Variants in CDKL3 observed in about 807,000 individuals in gnomAD.
The protein encoded by CDKL3 is cyclin-dependent kinase-like 3.
Under a neutral mutation model 69.3 loss-of-function variants are expected in CDKL3, and 65 were observed. The ratio of observed to expected loss-of-function variants is 0.94; its 90% CI spans 0.77 to 1.15. CDKL3 has a LOEUF of 1.15. Among genes scored for constraint, CDKL3 ranks in the 50% most tolerant of loss-of-function variants. The probability of loss-of-function intolerance (pLI) is 0.00; values close to 1 mark genes in which losing one functional copy is unlikely to be tolerated. For missense variants in CDKL3, 652 were observed against 689.2 expected, an observed-to-expected ratio of 0.95 and a Z score of 0.61; for synonymous variants, 202 against 221.6, an observed-to-expected ratio of 0.91 and a Z score of 0.79.
intron 2 of CDKL3, among the ~76,000 whole-genome samples, chr5:134,364,669 C>A (rs1391482848): frequency 6.7e-6 from 1 of 150,278 alleles, no homozygotes; most frequent in Non-Finnish European, 1.5e-5. Context: ...GCACTACCAT[C>A]CCCGGCTAAT....
chr5:134,308,442 T>C lies in CDKL3; in HGVS notation c.1060A>G (p.Lys354Glu), dbSNP rs375157809. ...TTAATAACTCTGACTTTGATCTCCT[T>C]GGGCTTTTTCTCTTTTTCTATTTCC... Reference protein sequence around the residue: ...GKEIEKEKKPKEIKVRVIKVK... With the variant: ...GKEIEKEKKPEEIKVRVIKVK... The change falls in exon 9 of 13, where the codon AAG becomes GAG. Residue 354 changes from lysine (K) to glutamate (E), a missense_variant. By Grantham distance (56) the Lys-to-Glu change is moderately conservative. Transcript: ENST00000265334. 15 of 1,605,494 alleles carry C rather than the reference T, an allele frequency of 9.3e-6. No individual in the cohort carries two copies. The African/African-American group carries it at 1.5e-4, about 16-fold the overall frequency.
chr5:134,359,279 C>A (rs570431984), intron 3 of CDKL3, among the ~76,000 whole-genome samples: 1 of 151,974 alleles, frequency 6.6e-6, no homozygotes, highest in East Asian at 1.9e-4. Context: ...GCCTGGGCAA[C>A]GAGAGCAAAA....
At chr5:134,326,170 A>C (rs1346576156) in intron 4 of CDKL3, among the ~76,000 whole-genome samples, 2 of 152,140 alleles carry the variant, frequency 1.3e-5, no homozygotes, top group African/African-American at 2.4e-5. Flanking sequence ...TACACAAAGC[A>C]GTTCACTTTT....
At chr5:134,283,735 A>G (rs1249830874), downstream of CDKL3, among the ~76,000 whole-genome samples, 1 of 152,096 alleles carries the variant, frequency 6.6e-6, no homozygotes, top group Non-Finnish European at 1.5e-5. Flanking sequence ...AACTCATTTC[A>G]GCATTAACTC....
intron 4 of CDKL3, among the ~76,000 whole-genome samples, chr5:134,330,760 T>C (rs748857850): frequency 6.6e-6 from 1 of 152,134 alleles, no homozygotes; most frequent in African/African-American, 2.4e-5. Context: ...TCTCGAAACA[T>C]TCTCACAAGA....
intron 4 of CDKL3, among the ~76,000 whole-genome samples, chr5:134,345,962 C>G (rs1751757338): frequency 6.6e-6 from 1 of 152,148 alleles, no homozygotes; most frequent in African/African-American, 2.4e-5. Flanking sequence ...ATACTTTGAA[C>G]TGAAGGAGAT....
At chr5:134,341,186 A>G (rs1750397481) in intron 4 of CDKL3, among the ~76,000 whole-genome samples, 1 of 152,220 alleles carries the variant, frequency 6.6e-6, no homozygotes, top group Admixed American at 6.5e-5. Context: ...GAATAAAAGG[A>G]AACTTCCCCA....
intron 2 of CDKL3, among the ~76,000 whole-genome samples, chr5:134,364,425 C>T (rs1481976701): frequency 6.6e-6 from 1 of 152,146 alleles, no homozygotes; most frequent in Non-Finnish European, 1.5e-5. Context: ...TCTTTTGAGT[C>T]TTTCGTATTT....
downstream of CDKL3, among the ~76,000 whole-genome samples, chr5:134,286,112 C>T (rs62381365): frequency 0.026 from 3,973 of 152,202 alleles, 72 homozygotes; most frequent in Middle Eastern, 0.051. Context: ...TAGAGTGAGA[C>T]TGTCTCAAAA....
Position 134,304,973 on chromosome 5 carries a change from A to C in CDKL3, c.1459-406T>G, listed in dbSNP as rs138617295. Among the ~76,000 whole-genome samples the C allele has an allele frequency of 7.1e-3, 1,075 of 151,538 alleles. 11 individuals carry two copies. The highest frequency in any genetic ancestry group is 0.024 in the African/African-American group (993 of 41,310). ...CAGGCACATACCACCATGCCTGGTT[A>C]ATTTTTAAATTTTTCGTAGAGATGG... is the stretch of plus-strand genomic sequence containing the variant. On this transcript the variant is annotated intron_variant, in intron 10 of 12. Coordinates refer to ENST00000265334, the MANE Select transcript of CDKL3 (RefSeq NM_001113575.2).
chr5:134,316,459 G>A (rs542817958), intron 6 of CDKL3, among the ~76,000 whole-genome samples: 2 of 152,174 alleles, frequency 1.3e-5, no homozygotes, highest in African/African-American at 4.8e-5. Context: ...TTAGCCAGGC[G>A]TGGTGGAGTG....
intron 1 of CDKL3, 98 bp from the exon 2 acceptor site, chr5:134,366,642 C>A: frequency 1.3e-6 from 1 of 763,290 alleles, no homozygotes; most frequent in Non-Finnish European, 2.0e-6. Flanking sequence ...CCCACAGTCT[C>A]AAATATAGAG....
chr5:134,306,721 T>A lies in CDKL3; in HGVS notation c.1365-19A>T. The A allele has an allele frequency of 7.9e-7, 1 of 1,259,368 alleles. No homozygotes were observed. The highest frequency in any genetic ancestry group is 1.1e-6 in the Non-Finnish European group (1 of 901,338). The allele number at this position is 1,259,368 out of a possible 1,614,324, so 78.0% of individuals were successfully genotyped here. On this transcript the variant is annotated intron_variant, in intron 9 of 12. Coordinates refer to ENST00000265334, the MANE Select transcript of CDKL3 (RefSeq NM_001113575.2). The stretch of plus-strand genomic sequence containing the variant: ...AGTTAACCTATTATTTAAAAATGAA[T>A]GAGAAGTTACTAAAACTCCCCAGAA...
chr5:134,334,591 A>C (rs1776599159), intron 4 of CDKL3, among the ~76,000 whole-genome samples: 1 of 152,206 alleles, frequency 6.6e-6, no homozygotes, highest in Admixed American at 6.5e-5. Flanking sequence ...ATTCAGGAAC[A>C]GATTGTTCAG....
At position 134,341,639 on chromosome 5, in the gene CDKL3, G is replaced by A. The variant is rs558676966; in HGVS notation, c.539+8610C>T. 5.3e-5 allele frequency among the ~76,000 whole-genome samples: 8 copies of A among 152,314 alleles called. 1 individual carries two copies. The South Asian group carries it at 1.4e-3, about 28-fold the overall frequency. On this transcript the variant is annotated intron_variant, in intron 4 of 12. Coordinates refer to ENST00000265334, the MANE Select transcript of CDKL3 (RefSeq NM_001113575.2). ...AAAATTGTGCTGCAGACACAGACAC[G>A]CAAGCTGTAAGCTTGCACAGGTGAA... is the stretch of plus-strand genomic sequence containing the variant.
chr5:134,297,578 TTTTC>T (rs1346488525), downstream of CDKL3, among the ~76,000 whole-genome samples: 85 of 151,826 alleles, frequency 5.6e-4, no homozygotes, highest in African/African-American at 2.0e-3. Context: ...TTCTTTCTTT[TTTTC>T]TTTCTTTTTT....
At chr5:134,295,224 G>A (rs148642773), downstream of CDKL3, among the ~76,000 whole-genome samples, 770 of 151,958 alleles carry the variant, frequency 5.1e-3, 5 homozygotes, top group African/African-American at 0.018. Flanking sequence ...CACCATGTTG[G>A]CCAGGCTGCT....
chr5:134,362,790 G>A (rs753222673), intron 2 of CDKL3, among the ~76,000 whole-genome samples: 2 of 151,676 alleles, frequency 1.3e-5, no homozygotes, highest in African/African-American at 4.8e-5. Context: ...TTAGCTGGGC[G>A]TGGTCGTACG....
chr5:134,311,969 AT>A (rs1226442559), intron 7 of CDKL3, among the ~76,000 whole-genome samples: 1 of 151,764 alleles, frequency 6.6e-6, no homozygotes, highest in Non-Finnish European at 1.5e-5. Context: ...TAATTTTTGT[AT>A]TTTTTGTAGA....
Sources: allele counts gnomAD v4.1 joint callset (sites outside exome capture counted in the v4.1 genomes callset), GRCh38; gene constraint gnomAD v4.1.1; transcripts MANE v1.5; gene names NCBI Gene and HGNC (gene_info 2026-07-23, HGNC 2026-07-21).